The following RGPD5 variants were observed in gnomAD, a reference collection of about 807,000 sequenced individuals.
The protein encoded by RGPD5 is RANBP2 like and GRIP domain containing 5, also known as RANBP2-like and GRIP domain-containing protein 5/6.
At chr2:109,799,180 A>G (rs1195754209) in intron 1 of RGPD5, among the ~76,000 whole-genome samples, 1 of 85,662 alleles carries the variant, frequency 1.2e-5, no homozygotes, top group Non-Finnish European at 2.2e-5. Flanking sequence ...CAGAGGTTGC[A>G]GTGAGCTGAG....
At chr2:109,766,409 A>G in the RGPD5 span, among the ~76,000 whole-genome samples, 1 of 149,996 alleles carries the variant, frequency 6.7e-6, no homozygotes, top group Non-Finnish European at 1.5e-5. Flanking sequence ...GAACTTGGGG[A>G]CTCCAGCTGG....
At chr2:109,777,308 G>A in the RGPD5 span, among the ~76,000 whole-genome samples, 1 of 148,338 alleles carries the variant, frequency 6.7e-6, no homozygotes, top group African/African-American at 2.5e-5. Flanking sequence ...GGTCATATGG[G>A]TTTTAATCTA....
chr2:109,760,734 T>C, the RGPD5 span, among the ~76,000 whole-genome samples: 1 of 144,848 alleles, frequency 6.9e-6, no homozygotes, highest in South Asian at 2.2e-4. Context: ...CAGCTTCGAC[T>C]TAGCCCTGCT....
At chr2:109,767,209 G>A in the RGPD5 span, among the ~76,000 whole-genome samples, 3 of 143,456 alleles carry the variant, frequency 2.1e-5, no homozygotes, top group African/African-American at 7.7e-5. Flanking sequence ...TCATAAACAA[G>A]GAAGAATACA....
chr2:109,771,396 C>T, the RGPD5 span, among the ~76,000 whole-genome samples: 3 of 99,228 alleles, frequency 3.0e-5, 1 homozygote, highest in Admixed American at 2.3e-4. Flanking sequence ...TCACGTGCGG[C>T]GGCATACTGT....
chr2:109,760,691 G>A, the RGPD5 span, among the ~76,000 whole-genome samples: 2 of 145,944 alleles, frequency 1.4e-5, no homozygotes, highest in South Asian at 2.2e-4. Flanking sequence ...CGGCGGTAGC[G>A]GCGGCGGCGA....
chr2:109,761,015 T>A, the RGPD5 span, among the ~76,000 whole-genome samples: 1 of 136,406 alleles, frequency 7.3e-6, no homozygotes, highest in Non-Finnish European at 1.6e-5. Flanking sequence ...GCCCAGGGAC[T>A]GGTGATCTAG....
the RGPD5 span, among the ~76,000 whole-genome samples, chr2:109,774,592 G>T: frequency 2.7e-5 from 2 of 72,998 alleles, no homozygotes; most frequent in Non-Finnish European, 4.6e-5. Flanking sequence ...GGTACAGTGA[G>T]GTATATATGG....
At chr2:109,767,073 T>G in the RGPD5 span, among the ~76,000 whole-genome samples, 20 of 143,718 alleles carry the variant, frequency 1.4e-4, no homozygotes, top group African/African-American at 5.2e-4. Flanking sequence ...TAATCACTTA[T>G]AAAATGACAG....
At chr2:109,794,608 C>CGGCCG in intron 1 of RGPD5, 71 bp downstream of exon 1, 3,565 of 193,430 alleles carry the variant, frequency 0.018, 343 homozygotes, top group Admixed American at 0.059. Context: ...GCGGCGGCGG[C>CGGCCG]GGGGGGGGCG....
At chr2:109,763,036 A>T in the RGPD5 span, among the ~76,000 whole-genome samples, 1 of 149,290 alleles carries the variant, frequency 6.7e-6, no homozygotes, top group African/African-American at 2.5e-5. Context: ...CAAAATAACT[A>T]ATATTTGAGA....
At chr2:109,761,655 C>G in the RGPD5 span, among the ~76,000 whole-genome samples, 3 of 148,520 alleles carry the variant, frequency 2.0e-5, no homozygotes, top group East Asian at 6.3e-4. Flanking sequence ...CTCCCCCCAA[C>G]CCGCCACTAT....
At chr2:109,761,473 A>C in the RGPD5 span, among the ~76,000 whole-genome samples, 1 of 148,074 alleles carries the variant, frequency 6.8e-6, no homozygotes, top group South Asian at 2.4e-4. Context: ...CCTTTGTGCC[A>C]CGCTCACAGC....
At chr2:109,772,561 T>G in the RGPD5 span, among the ~76,000 whole-genome samples, 4,394 of 100,556 alleles carry the variant, frequency 0.044, 11 homozygotes, top group African/African-American at 0.12. Context: ...CTGGCATTCA[T>G]GTTGGGAATG....
the RGPD5 span, among the ~76,000 whole-genome samples, chr2:109,766,519 A>G: frequency 4.0e-5 from 6 of 150,514 alleles, 1 homozygote; most frequent in Non-Finnish European, 7.4e-5. Context: ...GACGTTGAAG[A>G]TGAGTATTGT....
chr2:109,765,579 A>G, the RGPD5 span, among the ~76,000 whole-genome samples: 1 of 150,092 alleles, frequency 6.7e-6, no homozygotes, highest in African/African-American at 2.4e-5. Flanking sequence ...TAAGATATTC[A>G]TGGTGGGGTG....
At chr2:109,763,668 G>A in the RGPD5 span, among the ~76,000 whole-genome samples, 1 of 150,296 alleles carries the variant, frequency 6.7e-6, no homozygotes, top group Admixed American at 6.8e-5. Context: ...TTGTATTAGA[G>A]CAATATACAT....
At chr2:109,761,017 G>C in the RGPD5 span, among the ~76,000 whole-genome samples, 2 of 137,208 alleles carry the variant, frequency 1.5e-5, no homozygotes, top group African/African-American at 2.8e-5. Context: ...CCAGGGACTG[G>C]TGATCTAGGT....
At chr2:109,778,245 C>T in the RGPD5 span, among the ~76,000 whole-genome samples, 1 of 135,604 alleles carries the variant, frequency 7.4e-6, no homozygotes, top group Non-Finnish European at 1.6e-5. Flanking sequence ...AGCTTCAGCT[C>T]CACTGTGGGG....
Sources: allele counts gnomAD v4.1 joint callset (sites outside exome capture counted in the v4.1 genomes callset), GRCh38; gene constraint gnomAD v4.1.1; transcripts MANE v1.5; gene names NCBI Gene and HGNC (gene_info 2026-07-23, HGNC 2026-07-21).